The following NTM variants were observed in gnomAD, a reference collection of about 807,000 sequenced individuals.
The protein encoded by NTM is IgLON family member 2.
In NTM, 13 loss-of-function variants were observed where a neutral mutation model predicts 42.1. That is an observed-to-expected ratio of 0.31 (90% CI 0.20 to 0.49). The LOEUF is 0.49. Ranked by LOEUF, NTM falls within the 20% of genes least tolerant of loss-of-function variation. NTM has a pLI of 0.99. For synonymous variants in NTM, 187 were observed against 179.2 expected (o/e 1.04, Z -0.35); for missense variants, 373 against 452.8 (o/e 0.82, Z 1.60).
intron 2 of NTM, among the ~76,000 whole-genome samples, chr11:131,943,171 A>G (rs1372953596): frequency 6.6e-6 from 1 of 151,990 alleles, no homozygotes; most frequent in Non-Finnish European, 1.5e-5. Flanking sequence ...TGAGTTGCTT[A>G]TCAGTTTGGT....
chr11:131,926,014 A>G (rs1414453092), intron 2 of NTM, among the ~76,000 whole-genome samples: 3 of 152,112 alleles, frequency 2.0e-5, no homozygotes, highest in Non-Finnish European at 4.4e-5. Context: ...TGCCTACTGT[A>G]CATCTCCTAT....
chr11:132,192,285 A>C (rs2079434205), intron 3 of NTM, among the ~76,000 whole-genome samples: 1 of 152,200 alleles, frequency 6.6e-6, no homozygotes, highest in Admixed American at 6.5e-5. Context: ...ATCACTTACA[A>C]ATAGAACCTC....
At chr11:131,706,264 G>A (rs1267177653) in intron 1 of NTM, among the ~76,000 whole-genome samples, 2 of 151,916 alleles carry the variant, frequency 1.3e-5, no homozygotes, top group East Asian at 3.9e-4. Context: ...AATGAAAAAG[G>A]GATCAATTCA....
At chr11:131,930,570 G>T (rs2058484404) in intron 2 of NTM, among the ~76,000 whole-genome samples, 1 of 152,118 alleles carries the variant, frequency 6.6e-6, no homozygotes, top group African/African-American at 2.4e-5. Context: ...TTGATCACCT[G>T]TGTTCTCTTG....
chr11:131,768,668 C>T (rs946574958), intron 1 of NTM, among the ~76,000 whole-genome samples: 1 of 152,198 alleles, frequency 6.6e-6, no homozygotes, highest in African/African-American at 2.4e-5. Flanking sequence ...TAATGGCTAT[C>T]TGGCCACTGG....
chr11:132,134,995 C>T (rs1370331836), intron 2 of NTM, among the ~76,000 whole-genome samples: 3 of 151,786 alleles, frequency 2.0e-5, no homozygotes, highest in Non-Finnish European at 4.4e-5. Flanking sequence ...TTATTATATC[C>T]TTTATTAGTT....
intron 1 of NTM, among the ~76,000 whole-genome samples, chr11:131,389,327 T>A (rs1384449200): frequency 1.3e-5 from 2 of 152,160 alleles, no homozygotes; most frequent in Non-Finnish European, 2.9e-5. Context: ...CCTAATGAGA[T>A]GGAGCTGGGG....
chr11:132,244,010 A>C (rs1253899347), intron 4 of NTM, among the ~76,000 whole-genome samples: 1 of 152,206 alleles, frequency 6.6e-6, no homozygotes, highest in African/African-American at 2.4e-5. Context: ...TGATGGGCTC[A>C]TCAGGTTCTT....
chr11:132,093,311 G>A (rs965640617), intron 2 of NTM, among the ~76,000 whole-genome samples: 1 of 152,068 alleles, frequency 6.6e-6, no homozygotes, highest in African/African-American at 2.4e-5. Context: ...TCCTCTGCCT[G>A]GTCTGTATTA....
chr11:131,381,234 A>G (rs1353385127), intron 1 of NTM, among the ~76,000 whole-genome samples: 1 of 152,200 alleles, frequency 6.6e-6, no homozygotes, highest in Non-Finnish European at 1.5e-5. Context: ...GAATTCATCT[A>G]GTTGGAGAAG....
At chr11:132,173,778 G>T (rs1485748372) in intron 3 of NTM, among the ~76,000 whole-genome samples, 1 of 152,182 alleles carries the variant, frequency 6.6e-6, no homozygotes, top group East Asian at 1.9e-4. Context: ...GAGAAGTCAG[G>T]CCTCCCAGCT....
At chr11:132,197,681 A>T (rs533312355) in intron 3 of NTM, among the ~76,000 whole-genome samples, 191 of 121,916 alleles carry the variant, frequency 1.6e-3, no homozygotes, top group Non-Finnish European at 2.2e-3. Flanking sequence ...CTGGTGTGTG[A>T]TGTTCCCCTT....
chr11:131,470,400 G>T (rs1210356206), intron 1 of NTM, among the ~76,000 whole-genome samples: 1 of 152,204 alleles, frequency 6.6e-6, no homozygotes, highest in Admixed American at 6.5e-5. Flanking sequence ...AAGCATTCTG[G>T]CTGTATTTCA....
At chr11:131,503,465 C>T (rs1200709543) in intron 1 of NTM, among the ~76,000 whole-genome samples, 1 of 151,872 alleles carries the variant, frequency 6.6e-6, no homozygotes, top group African/African-American at 2.4e-5. Flanking sequence ...AGAGCAGGTG[C>T]ACCAGGAAAA....
At chr11:131,549,586 C>T (rs559622849) in intron 1 of NTM, among the ~76,000 whole-genome samples, 10 of 152,116 alleles carry the variant, frequency 6.6e-5, no homozygotes, top group Admixed American at 2.6e-4. Context: ...CAAAACAAAA[C>T]GCCCTGTGCT....
chr11:131,785,139 C>A (rs1591814832), intron 1 of NTM, among the ~76,000 whole-genome samples: 1 of 152,258 alleles, frequency 6.6e-6, no homozygotes, highest in South Asian at 2.1e-4. Flanking sequence ...ACACAACTAG[C>A]CTTTGCATGT....
chr11:132,209,539 TA>T (rs1410098515), intron 3 of NTM, among the ~76,000 whole-genome samples: 1 of 152,206 alleles, frequency 6.6e-6, no homozygotes, highest in African/African-American at 2.4e-5. Context: ...AGCAAAAAAC[TA>T]AAAAGTTAAA....
chr11:131,973,422 T>C (rs1721662809), intron 2 of NTM, among the ~76,000 whole-genome samples: 2 of 152,222 alleles, frequency 1.3e-5, no homozygotes, highest in African/African-American at 4.8e-5. Context: ...GAACCTTTAT[T>C]AGTGCTTCTC....
chr11:131,684,215 G>A (rs1225582539), intron 1 of NTM, among the ~76,000 whole-genome samples: 3 of 152,162 alleles, frequency 2.0e-5, no homozygotes, highest in Non-Finnish European at 4.4e-5. Context: ...CGTGGGGTGA[G>A]CAGCCTTCAC....
Sources: allele counts gnomAD v4.1 joint callset (sites outside exome capture counted in the v4.1 genomes callset), GRCh38; gene constraint gnomAD v4.1.1; transcripts MANE v1.5; gene names NCBI Gene and HGNC (gene_info 2026-07-23, HGNC 2026-07-21).